The following PRR16 variants were observed in gnomAD, a reference collection of about 807,000 sequenced individuals.
PRR16 encodes proline rich 16.
Under a neutral mutation model 18.2 loss-of-function variants are expected in PRR16, and 6 were observed. That is an observed-to-expected ratio of 0.33 (90% CI 0.18 to 0.65). The LOEUF (loss-of-function observed/expected upper bound fraction) is 0.65. Ranked by LOEUF, PRR16 falls within the 30% of genes least tolerant of loss-of-function variation. The probability of loss-of-function intolerance (pLI) is 0.74; values close to 1 mark genes in which losing one functional copy is unlikely to be tolerated. For missense variants in PRR16, 412 were observed against 376.6 expected, an observed-to-expected ratio of 1.09 and a Z score of -0.78; for synonymous variants, 151 against 147.8, an observed-to-expected ratio of 1.02 and a Z score of -0.16.
At chr5:120,746,924 T>C in the PRR16 span, among the ~76,000 whole-genome samples, 8 of 152,212 alleles carry the variant, frequency 5.3e-5, no homozygotes, top group Admixed American at 3.9e-4. Context: ...AACATAGTTA[T>C]TGGATAAAAT....
At chr5:120,581,286 T>C (rs1352377074) in intron 1 of PRR16, among the ~76,000 whole-genome samples, 3 of 152,224 alleles carry the variant, frequency 2.0e-5, no homozygotes, top group African/African-American at 7.2e-5. Context: ...CCATTTCTTC[T>C]AGATTTTCCG....
At chr5:120,491,617 C>T (rs1433573189) in intron 1 of PRR16, among the ~76,000 whole-genome samples, 1 of 152,016 alleles carries the variant, frequency 6.6e-6, no homozygotes, top group African/African-American at 2.4e-5. Flanking sequence ...AATCTTGGCT[C>T]ACTGCAACCT....
chr5:120,626,019 C>G (rs1385563864), intron 1 of PRR16, among the ~76,000 whole-genome samples: 1 of 152,112 alleles, frequency 6.6e-6, no homozygotes, highest in African/African-American at 2.4e-5. Flanking sequence ...ATTAACCACA[C>G]TATAATTCAG....
chr5:120,575,110 T>C (rs1351433775), intron 1 of PRR16, among the ~76,000 whole-genome samples: 2 of 136,420 alleles, frequency 1.5e-5, no homozygotes, highest in African/African-American at 7.5e-5. Flanking sequence ...TACATTAATC[T>C]TTGTCAAAGG....
At chr5:120,580,556 G>A (rs1484365237) in intron 1 of PRR16, among the ~76,000 whole-genome samples, 6 of 149,204 alleles carry the variant, frequency 4.0e-5, no homozygotes, top group East Asian at 2.0e-4. Context: ...CCAGGTTCAC[G>A]CCATTCTCCT....
chr5:120,555,207 CTCCAAATTTTTCAT>C (rs757542027), intron 1 of PRR16, among the ~76,000 whole-genome samples: 75 of 151,880 alleles, frequency 4.9e-4, no homozygotes, highest in Non-Finnish European at 8.7e-4. Flanking sequence ...ATTTTCTCTG[CTCCAAATTTTTCAT>C]ATTCTAACAA....
chr5:120,737,725 C>G, the PRR16 span, among the ~76,000 whole-genome samples: 4 of 151,456 alleles, frequency 2.6e-5, no homozygotes, highest in Non-Finnish European at 4.4e-5. Context: ...TAAAGCCATC[C>G]AGTACGGGAT....
At chr5:120,733,488 G>T in the PRR16 span, among the ~76,000 whole-genome samples, 2 of 151,938 alleles carry the variant, frequency 1.3e-5, no homozygotes, top group African/African-American at 2.4e-5. Flanking sequence ...TATATATTTG[G>T]TTTTTGACCC....
At chr5:120,691,394 G>C (rs1757207553), downstream of PRR16, among the ~76,000 whole-genome samples, 1 of 152,190 alleles carries the variant, frequency 6.6e-6, no homozygotes, top group South Asian at 2.1e-4. Flanking sequence ...CATCTAAAAT[G>C]AATCAGCTGC....
At chr5:120,769,508 A>C in the PRR16 span, among the ~76,000 whole-genome samples, 1 of 151,698 alleles carries the variant, frequency 6.6e-6, no homozygotes, top group African/African-American at 2.4e-5. Flanking sequence ...ACAACTTCTC[A>C]TTTTCCATTC....
At chr5:120,698,460 C>G in the PRR16 span, among the ~76,000 whole-genome samples, 2 of 149,722 alleles carry the variant, frequency 1.3e-5, no homozygotes, top group African/African-American at 2.5e-5. Context: ...TTTAGAGTGG[C>G]GGTTTGGGGA....
the PRR16 span, among the ~76,000 whole-genome samples, chr5:120,711,609 A>G: frequency 1.8e-4 from 28 of 152,322 alleles, no homozygotes; most frequent in Non-Finnish European, 2.6e-4. Context: ...TCTGGGCCAT[A>G]TAGTCCTATA....
chr5:120,549,239 G>A (rs1299904123), intron 1 of PRR16, among the ~76,000 whole-genome samples: 1 of 151,982 alleles, frequency 6.6e-6, no homozygotes, highest in Non-Finnish European at 1.5e-5. Flanking sequence ...GGGTGTATGT[G>A]TGTGTGTCAC....
At chr5:120,521,966 C>T (rs1346954897) in intron 1 of PRR16, among the ~76,000 whole-genome samples, 2 of 152,148 alleles carry the variant, frequency 1.3e-5, no homozygotes, top group African/African-American at 4.8e-5. Flanking sequence ...ATGATGGTTT[C>T]CAGCTTCATC....
intron 1 of PRR16, among the ~76,000 whole-genome samples, chr5:120,654,499 A>T (rs1462191003): frequency 6.6e-6 from 1 of 151,872 alleles, no homozygotes; most frequent in African/African-American, 2.4e-5. Context: ...ACTTGGTTAA[A>T]TATAAATATC....
At chr5:120,574,244 A>G (rs1024209582) in intron 1 of PRR16, among the ~76,000 whole-genome samples, 8 of 152,166 alleles carry the variant, frequency 5.3e-5, no homozygotes, top group African/African-American at 1.7e-4. Flanking sequence ...TAATTGCAAC[A>G]AGTCAATAAT....
At chr5:120,679,125 G>T (rs2150152617) in intron 1 of PRR16, among the ~76,000 whole-genome samples, 1 of 152,182 alleles carries the variant, frequency 6.6e-6, no homozygotes, top group South Asian at 2.1e-4. Flanking sequence ...TCCTGGGATT[G>T]TCAAACACAA....
At position 120,649,838 on chromosome 5, in the gene PRR16, C is replaced by T. The variant is rs540934953; in HGVS notation, c.160-36116C>T. On this transcript the variant is annotated intron_variant, in intron 1 of 1. Transcript: ENST00000407149. ...CTTATTATATTTTTATAAGGCACCCCGTAATAAATTAAATTATATAACTTA... is the reference window on the plus strand; with the variant it reads ...CTTATTATATTTTTATAAGGCACCCTGTAATAAATTAAATTATATAACTTA... 6.3e-4 allele frequency among the ~76,000 whole-genome samples: 96 copies of T among 151,862 alleles called. 1 individual carries two copies. The highest frequency in any genetic ancestry group is 2.1e-3 in the African/African-American group (88 of 41,454).
chr5:120,659,008 C>T (rs918019216), intron 1 of PRR16, among the ~76,000 whole-genome samples: 1 of 151,842 alleles, frequency 6.6e-6, no homozygotes, highest in Non-Finnish European at 1.5e-5. Context: ...TTTTCTCTTT[C>T]TCTCTCACCT....
Sources: allele counts gnomAD v4.1 joint callset (sites outside exome capture counted in the v4.1 genomes callset), GRCh38; gene constraint gnomAD v4.1.1; transcripts MANE v1.5; gene names NCBI Gene and HGNC (gene_info 2026-07-23, HGNC 2026-07-21).